Variants in TMEM132D observed in about 807,000 individuals in gnomAD.
TMEM132D encodes the protein mature OL transmembrane protein.
A neutral mutation model predicts 62.3 loss-of-function variants in TMEM132D; 21 were observed. The observed-to-expected ratio is 0.34, with a 90% CI of 0.24 to 0.49. The LOEUF is 0.49. Ranked by LOEUF, TMEM132D falls within the 20% of genes least tolerant of loss-of-function variation. The probability of loss-of-function intolerance (pLI) is 0.99; values close to 1 mark genes in which losing one functional copy is unlikely to be tolerated. For synonymous variants in TMEM132D, 621 were observed against 575.6 expected (o/e 1.08, Z -1.13); for missense variants, 1,346 against 1,402.8 (o/e 0.96, Z 0.65).
intron 4 of TMEM132D, among the ~76,000 whole-genome samples, chr12:129,337,413 G>GTATAGA (rs1230190664): frequency 1.4e-4 from 20 of 145,918 alleles, no homozygotes; most frequent in Middle Eastern, 3.6e-3. Flanking sequence ...GTTTATATTT[G>GTATAGA]TATAGATATA....
intron 3 of TMEM132D, among the ~76,000 whole-genome samples, chr12:129,365,095 T>C (rs562058373): frequency 2.5e-4 from 38 of 152,286 alleles, no homozygotes; most frequent in South Asian, 1.4e-3. Context: ...TTTATTTCAG[T>C]ATTGAGCTGA....
At chr12:129,843,499 C>T (rs140826579) in intron 1 of TMEM132D, among the ~76,000 whole-genome samples, 6 of 152,174 alleles carry the variant, frequency 3.9e-5, no homozygotes, top group East Asian at 1.9e-4. Context: ...AACCACTACA[C>T]GCTAAATGAT....
intron 5 of TMEM132D, among the ~76,000 whole-genome samples, chr12:129,203,837 T>C (rs775800574): frequency 3.5e-4 from 53 of 152,322 alleles, no homozygotes; most frequent in Non-Finnish European, 5.4e-4. Flanking sequence ...TGTCTGCCAA[T>C]TGTGGCTCCT....
At chr12:129,891,462 G>A (rs1021133352) in intron 1 of TMEM132D, among the ~76,000 whole-genome samples, 12 of 152,310 alleles carry the variant, frequency 7.9e-5, no homozygotes, top group East Asian at 1.9e-4. Flanking sequence ...AGGAAATGCC[G>A]TTGGGTGCGG....
chr12:129,877,601 A>AAG (rs1413980780), intron 1 of TMEM132D, among the ~76,000 whole-genome samples: 1 of 139,510 alleles, frequency 7.2e-6, no homozygotes, highest in Admixed American at 7.5e-5. Flanking sequence ...TATTAACCAA[A>AAG]CGCGCGCGCG....
chr12:129,427,266 T>C (rs893802790), intron 3 of TMEM132D, among the ~76,000 whole-genome samples: 4 of 152,132 alleles, frequency 2.6e-5, no homozygotes, highest in African/African-American at 9.7e-5. Context: ...TCACGCAGCA[T>C]CATTCCTTCT....
At chr12:129,590,943 G>A (rs181082004) in intron 2 of TMEM132D, among the ~76,000 whole-genome samples, 1 of 152,278 alleles carries the variant, frequency 6.6e-6, no homozygotes, top group East Asian at 1.9e-4. Context: ...CAAAAGAGAA[G>A]CTAAAAAGTC....
intron 2 of TMEM132D, among the ~76,000 whole-genome samples, chr12:129,611,768 G>A (rs1466416573): frequency 6.6e-6 from 1 of 152,212 alleles, no homozygotes; most frequent in East Asian, 1.9e-4. Context: ...CCGCTACAAT[G>A]TCATCTTGTG....
intron 2 of TMEM132D, among the ~76,000 whole-genome samples, chr12:129,678,335 T>C (rs188161534): frequency 6.6e-6 from 1 of 152,310 alleles, no homozygotes; most frequent in East Asian, 1.9e-4. Context: ...TTGCTTAATT[T>C]TGGCAATATG....
intron 1 of TMEM132D, among the ~76,000 whole-genome samples, chr12:129,828,514 C>T (rs924081602): frequency 5.3e-5 from 8 of 151,034 alleles, no homozygotes; most frequent in Non-Finnish European, 1.0e-4. Context: ...ACAACCATTA[C>T]CTATTACGTT....
intron 3 of TMEM132D, among the ~76,000 whole-genome samples, chr12:129,360,067 G>T (rs909602933): frequency 6.6e-6 from 1 of 151,978 alleles, no homozygotes; most frequent in African/African-American, 2.4e-5. Flanking sequence ...TAGGAAACTG[G>T]AATGTCACAC....
At chr12:129,639,909 G>A (rs1233734737) in intron 2 of TMEM132D, among the ~76,000 whole-genome samples, 1 of 152,100 alleles carries the variant, frequency 6.6e-6, no homozygotes, top group Admixed American at 6.6e-5. Context: ...ATAGTAATTT[G>A]CATTTATAAA....
intron 3 of TMEM132D, among the ~76,000 whole-genome samples, chr12:129,358,799 C>T (rs1870155095): frequency 6.6e-6 from 1 of 152,150 alleles, no homozygotes. Context: ...AAGGGAATTC[C>T]AGGGAGAAGG....
intron 5 of TMEM132D, among the ~76,000 whole-genome samples, chr12:129,148,702 A>C (rs1876983926): frequency 6.6e-6 from 1 of 152,198 alleles, no homozygotes; most frequent in Non-Finnish European, 1.5e-5. Flanking sequence ...TTACAGCAGC[A>C]ATAGGAATTG....
At chr12:129,242,221 AC>A (rs1879956071) in intron 4 of TMEM132D, among the ~76,000 whole-genome samples, 2 of 152,278 alleles carry the variant, frequency 1.3e-5, no homozygotes, top group Admixed American at 1.3e-4. Flanking sequence ...CTACAGTTTA[AC>A]CCTCCATTAT....
chr12:129,293,434 T>C lies in TMEM132D; in HGVS notation c.1299+44200A>G, dbSNP rs1053770438. 6.6e-5 allele frequency among the ~76,000 whole-genome samples: 10 copies of C among 152,310 alleles called. No individual in the cohort carries two copies. The East Asian group carries it at 1.9e-3, about 29-fold the overall frequency. On this transcript the variant is annotated intron_variant, in intron 4 of 8. Transcript: ENST00000422113. ...GCCTTTCTGGCACCAGGGACCAGTT[T>C]TGTAGAAGACAATTTTTCCAAAGAC... is the stretch of plus-strand genomic sequence containing the variant.
intron 5 of TMEM132D, among the ~76,000 whole-genome samples, chr12:129,134,088 A>ATG (rs909514916): frequency 1.4e-5 from 2 of 144,896 alleles, no homozygotes; most frequent in Non-Finnish European, 3.0e-5. Flanking sequence ...TGTGTGTTGT[A>ATG]TGTGTGTGTG....
At chr12:129,762,386 G>C in intron 1 of TMEM132D, among the ~76,000 whole-genome samples, 1 of 152,160 alleles carries the variant, frequency 6.6e-6, no homozygotes, top group Middle Eastern at 3.4e-3. Context: ...TTTCCAAAAA[G>C]ATTTGTTTTT....
chr12:129,710,279 TTAA>T (rs1173193605), intron 1 of TMEM132D, among the ~76,000 whole-genome samples: 2 of 150,716 alleles, frequency 1.3e-5, no homozygotes, highest in Non-Finnish European at 2.9e-5. Context: ...ATGGTCATTA[TTAA>T]TTTTTATTTA....
Sources: gnomAD v4.1 joint callset for allele counts (sites outside exome capture counted in the v4.1 genomes callset) on GRCh38, gnomAD v4.1.1 for gene constraint, MANE v1.5 for transcripts, NCBI Gene and HGNC (gene_info 2026-07-23, HGNC 2026-07-21) for gene names.